The following RASSF3 variants were observed in gnomAD, a reference collection of about 807,000 sequenced individuals.
RASSF3 encodes Ras association domain family member 3, also known as ras association domain-containing protein 3.
A neutral mutation model predicts 19.9 loss-of-function variants in RASSF3; 19 were observed. That is an observed-to-expected ratio of 0.96 (90% CI 0.67 to 1.40). RASSF3 has a LOEUF of 1.40. RASSF3 is among the 40% of genes most tolerant of loss of function. The probability of loss-of-function intolerance (pLI) is 0.00; values close to 1 mark genes in which losing one functional copy is unlikely to be tolerated. For missense variants in RASSF3, 306 were observed against 289.8 expected, an observed-to-expected ratio of 1.06 and a Z score of -0.41; for synonymous variants, 110 against 104.2, an observed-to-expected ratio of 1.06 and a Z score of -0.34.
At chr12:64,679,648 A>G (rs1177851393) in intron 1 of RASSF3, among the ~76,000 whole-genome samples, 1 of 152,154 alleles carries the variant, frequency 6.6e-6, no homozygotes, top group Non-Finnish European at 1.5e-5. Flanking sequence ...ACTGAAAAAC[A>G]GTGACGTAAC....
chr12:64,589,536 A>G (rs528257720), intron 2 of RASSF3, among the ~76,000 whole-genome samples: 1 of 152,338 alleles, frequency 6.6e-6, no homozygotes, highest in Non-Finnish European at 1.5e-5. Flanking sequence ...AGCCCTCCAC[A>G]TGCCAGTATT....
intron 2 of RASSF3, among the ~76,000 whole-genome samples, chr12:64,578,356 T>C (rs895975767): frequency 6.6e-6 from 1 of 152,194 alleles, no homozygotes; most frequent in African/African-American, 2.4e-5. Flanking sequence ...ATTGTTATCA[T>C]TTTAAGAGAT....
At chr12:64,528,534 T>C (rs971451186), upstream of RASSF3, among the ~76,000 whole-genome samples, 2 of 152,238 alleles carry the variant, frequency 1.3e-5, no homozygotes, top group African/African-American at 4.8e-5. Context: ...CTGCTGGTTT[T>C]ACAGCGGTCT....
chr12:64,662,664 GTA>G (rs1872410910), intron 1 of RASSF3, among the ~76,000 whole-genome samples: 1 of 152,210 alleles, frequency 6.6e-6, no homozygotes, highest in Non-Finnish European at 1.5e-5. Context: ...CTCTGCGTGT[GTA>G]TATGTGTGTT....
Position 64,670,694 on chromosome 12 carries a change from G to A in RASSF3, c.112-14093G>A, listed in dbSNP as rs184946422. On this transcript the variant is annotated intron_variant, in intron 1 of 4. Transcript: ENST00000542104. ...TAGTTTTCTTCTTTTTAAATTGTCA[G>A]TGGCCCTGGCCAGATTACTAATTCC... Among the ~76,000 whole-genome samples, 186 of 152,234 alleles carry A rather than the reference G, an allele frequency of 1.2e-3. 1 individual carries two copies. The highest frequency in any genetic ancestry group is 2.2e-3 in the Non-Finnish European group (153 of 68,012).
At chr12:64,634,762 TAAAAAAA>T (rs57235286) in intron 1 of RASSF3, among the ~76,000 whole-genome samples, 34 of 90,968 alleles carry the variant, frequency 3.7e-4, no homozygotes, top group Admixed American at 4.2e-4. Flanking sequence ...CACCATCTCA[TAAAAAAA>T]AAAAAAAAAA....
At chr12:64,651,335 T>C (rs1248186358) in intron 1 of RASSF3, among the ~76,000 whole-genome samples, 1 of 152,176 alleles carries the variant, frequency 6.6e-6, no homozygotes, top group African/African-American at 2.4e-5. Flanking sequence ...GTTAAGAAGT[T>C]ATTTTTAAGG....
At chr12:64,572,244 G>A (rs1005751787) in intron 2 of RASSF3, among the ~76,000 whole-genome samples, 5 of 152,122 alleles carry the variant, frequency 3.3e-5, no homozygotes, top group African/African-American at 1.2e-4. Context: ...AAATCTTTGG[G>A]AGACAATTCG....
chr12:64,576,317 G>A (rs537345882), intron 2 of RASSF3, among the ~76,000 whole-genome samples: 3 of 152,140 alleles, frequency 2.0e-5, no homozygotes, highest in South Asian at 2.1e-4. Context: ...CTTCTGGAAC[G>A]GTTGAATATC....
intron 3 of RASSF3, among the ~76,000 whole-genome samples, chr12:64,690,183 T>A (rs1241352768): frequency 6.6e-6 from 1 of 151,750 alleles, no homozygotes; most frequent in Non-Finnish European, 1.5e-5. Flanking sequence ...TTAAATTTGT[T>A]TTTTGTTTGT....
intron 1 of RASSF3, among the ~76,000 whole-genome samples, chr12:64,650,346 C>A (rs1028227321): frequency 6.7e-5 from 10 of 150,128 alleles, no homozygotes; most frequent in Non-Finnish European, 4.4e-5. Context: ...GACCTTTGTG[C>A]TGTGCTCAGT....
chr12:64,696,063 C>T lies in RASSF3; in HGVS notation c.*1151C>T, dbSNP rs1354323650. The T allele has an allele frequency of 2.0e-5, 3 of 149,304 alleles. No homozygotes were observed. The highest frequency in any genetic ancestry group is 3.5e-3 in the Middle Eastern group (1 of 288). 9.2% of individuals were successfully genotyped at this position (149,304 alleles called of 1,614,324 possible). A position where few individuals can be genotyped will look rare whatever the true frequency, so the allele number is the denominator to read the frequency against. On this transcript the variant is annotated 3_prime_UTR_variant, in exon 5 of 5. Transcript: ENST00000542104. ...CCTTTTTTCTTTCCTTCCCTGCTGT[C>T]TCCCACCCTACCTTGTTCTTTTCCT... is the stretch of plus-strand genomic sequence containing the variant.
At chr12:64,533,911 G>T (rs569895006) in intron 1 of RASSF3, among the ~76,000 whole-genome samples, 1 of 152,116 alleles carries the variant, frequency 6.6e-6, no homozygotes, top group African/African-American at 2.4e-5. Flanking sequence ...CTGCGGCTTC[G>T]GGAAATGGGT....
intron 1 of RASSF3, among the ~76,000 whole-genome samples, chr12:64,679,247 G>C (rs1873026469): frequency 6.6e-6 from 1 of 152,192 alleles, no homozygotes; most frequent in South Asian, 2.1e-4. Context: ...TTTTTGTAGA[G>C]ATGGGGTTTC....
At chr12:64,689,946 G>T (rs1234558395) in intron 3 of RASSF3, among the ~76,000 whole-genome samples, 1 of 150,576 alleles carries the variant, frequency 6.6e-6, no homozygotes, top group Admixed American at 6.6e-5. Flanking sequence ...CCGCCACCAC[G>T]TCTGGCTAAT....
At chr12:64,596,246 C>T (rs1346872696) in intron 2 of RASSF3, among the ~76,000 whole-genome samples, 2 of 152,222 alleles carry the variant, frequency 1.3e-5, no homozygotes, top group Non-Finnish European at 2.9e-5. Flanking sequence ...ATTCTGAAGG[C>T]TCTCGTGTAT....
intron 4 of RASSF3, among the ~76,000 whole-genome samples, chr12:64,694,232 A>T (rs1159446092): frequency 1.3e-5 from 2 of 152,104 alleles, no homozygotes; most frequent in African/African-American, 4.8e-5. Flanking sequence ...TGGGGAACAG[A>T]TGGGGGAGCA....
chr12:64,569,656 A>G (rs1327546597), intron 2 of RASSF3, among the ~76,000 whole-genome samples: 1 of 152,204 alleles, frequency 6.6e-6, no homozygotes, highest in Non-Finnish European at 1.5e-5. Context: ...AGGTCTTTTC[A>G]AGTAAGCAAC....
chr12:64,667,521 G>A (rs1872568208), intron 1 of RASSF3, among the ~76,000 whole-genome samples: 2 of 152,130 alleles, frequency 1.3e-5, no homozygotes, highest in Admixed American at 6.5e-5. Flanking sequence ...GTCCCTTGCG[G>A]GAAAGATGGT....
Sources: gnomAD v4.1 joint callset for allele counts (sites outside exome capture counted in the v4.1 genomes callset) on GRCh38, gnomAD v4.1.1 for gene constraint, MANE v1.5 for transcripts, NCBI Gene and HGNC (gene_info 2026-07-23, HGNC 2026-07-21) for gene names.